Variants in POLA1 observed in about 807,000 individuals in gnomAD.
The protein encoded by POLA1 is DNA polymerase alpha 1, catalytic subunit, also known as DNA polymerase alpha catalytic subunit.
POLA1 carries 15 observed loss-of-function variants against 124.0 expected under a neutral mutation model. The observed-to-expected ratio is 0.12, with a 90% CI of 0.08 to 0.19. The LOEUF (loss-of-function observed/expected upper bound fraction) is 0.19. Ranked by LOEUF, POLA1 falls within the 10% of genes least tolerant of loss-of-function variation. The pLI, the probability that POLA1 is intolerant of heterozygous loss-of-function variation, is 1.00. For missense variants in POLA1, 886 were observed against 1,103.4 expected (o/e 0.80, Z 2.79); for synonymous variants, 408 against 389.4 (o/e 1.05, Z -0.56).
chrX:24,741,967 G>T, intron 21 of POLA1, 35 bp from the exon 22 acceptor site: 1 of 1,150,397 alleles, frequency 8.7e-7, no homozygotes, highest in South Asian at 2.1e-5. Flanking sequence ...TTGTGGTTTT[G>T]AGCTCAAATT....
At chrX:24,903,176 G>A (rs1023680328) in intron 35 of POLA1, among the ~76,000 whole-genome samples, 2 of 112,728 alleles carry the variant, frequency 1.8e-5, no homozygotes, top group Non-Finnish European at 3.7e-5. Context: ...AATCATGCAC[G>A]AGCAAACACG....
intron 35 of POLA1, among the ~76,000 whole-genome samples, chrX:24,890,420 A>G (rs1303062166): frequency 1.8e-5 from 2 of 111,801 alleles, no homozygotes; most frequent in Non-Finnish European, 3.8e-5. Context: ...AAATTTAACT[A>G]TACCTTTCAT....
intron 30 of POLA1, among the ~76,000 whole-genome samples, chrX:24,816,787 A>G (rs1285639165): frequency 9.0e-6 from 1 of 111,556 alleles, no homozygotes; most frequent in Non-Finnish European, 1.9e-5. Flanking sequence ...AACACTGAAC[A>G]CATCTCCTTT....
At chrX:24,823,292 C>T (rs1258312401) in intron 31 of POLA1, among the ~76,000 whole-genome samples, 2 of 112,282 alleles carry the variant, frequency 1.8e-5, no homozygotes, top group East Asian at 5.6e-4. Flanking sequence ...TCCCTTTCAA[C>T]CTGTTTGCTA....
rs1213641139 is a variant in POLA1, at chrX:24,773,606, G to A, written c.2964+24614G>A. Among the ~76,000 whole-genome samples the A allele has an allele frequency of 3.6e-5, 4 of 111,989 alleles. No homozygotes were observed. In the East Asian group the frequency reaches 8.4e-4, roughly 23 times the overall value. ...ATCAACAGAATATTTACCTCATGAC[G>A]TTTGTTGGGAAGATTAAATAAGTTA... On this transcript the variant is annotated intron_variant, in intron 26 of 36. Coordinates refer to ENST00000379068, the MANE Select transcript of POLA1 (RefSeq NM_001330360.2).
Position 24,950,979 on chromosome X carries a change from A to G in POLA1, c.4261+20430A>G, listed in dbSNP as rs182393899. On this transcript the variant is annotated intron_variant, in intron 36 of 36. Transcript: ENST00000379068. ...AAATCCAAAATGACATTAACTTAAG[A>G]CATGTTCCAATTTCAGAGATGTTAT... 8.0e-5 allele frequency among the ~76,000 whole-genome samples: 9 copies of G among 111,920 alleles called. No individual in the cohort carries two copies. The Admixed American group carries it at 8.5e-4, about 11-fold the overall frequency.
At chrX:24,933,195 A>G (rs1002732974) in intron 36 of POLA1, among the ~76,000 whole-genome samples, 1 of 112,023 alleles carries the variant, frequency 8.9e-6, no homozygotes, top group African/African-American at 3.2e-5. Flanking sequence ...ATAAAAGACA[A>G]TTGAATGCAA....
intron 36 of POLA1, among the ~76,000 whole-genome samples, chrX:24,944,795 T>C (rs1186522808): frequency 8.9e-6 from 1 of 112,449 alleles, no homozygotes. Context: ...AATATTTGTC[T>C]TTGCCTAGGC....
At chrX:24,751,872 A>G (rs911143445) in intron 26 of POLA1, among the ~76,000 whole-genome samples, 3 of 111,701 alleles carry the variant, frequency 2.7e-5, no homozygotes, top group African/African-American at 9.8e-5. Flanking sequence ...TTTTTGTGAC[A>G]AGATACGAGT....
chrX:24,879,282 G>T (rs891469878), intron 34 of POLA1, among the ~76,000 whole-genome samples: 10 of 111,286 alleles, frequency 9.0e-5, no homozygotes, highest in Non-Finnish European at 1.9e-5. Flanking sequence ...TTCCCTTGTT[G>T]AAATGACTAT....
chrX:24,694,122 C>G, intron 1 of POLA1, 118 bp downstream of exon 1: 1 of 714,940 alleles, frequency 1.4e-6, no homozygotes, highest in Admixed American at 3.8e-5. Flanking sequence ...TTGGTCGTCC[C>G]CGGCGGGGGC....
chrX:24,719,545 C>T (rs1017285582), intron 10 of POLA1, among the ~76,000 whole-genome samples: 2 of 111,848 alleles, frequency 1.8e-5, no homozygotes, highest in Non-Finnish European at 3.8e-5. Context: ...GATTTCCCAT[C>T]CATTGCTGAA....
In POLA1 at chrX:24,996,901, T is replaced by G. The variant is rs1244414238; in HGVS notation, c.*951T>G. On this transcript the variant is annotated 3_prime_UTR_variant, in exon 37 of 37. Transcript: ENST00000379068. ...TTCCCCTTGTACAATTATGCTGTGT[T>G]TTTAAAAAACATTGACCTGTGTGTT... 1.8e-5 allele frequency: 2 copies of G among 112,372 alleles called. No homozygotes were observed. Among genetic ancestry groups the G allele is most frequent in the Non-Finnish European group, 3.7e-5 (2 of 53,378 alleles). 9.3% of individuals were successfully genotyped at this position (112,372 alleles called of 1,213,427 possible). A position where few individuals can be genotyped will look rare whatever the true frequency, so the allele number is the denominator to read the frequency against.
At chrX:24,757,660 C>T (rs1238270168) in intron 26 of POLA1, among the ~76,000 whole-genome samples, 1 of 109,555 alleles carries the variant, frequency 9.1e-6, no homozygotes, top group African/African-American at 3.4e-5. Flanking sequence ...GGGATGGTCT[C>T]GAGCTCCTGA....
chrX:24,941,985 GT>G (rs2047913124), intron 36 of POLA1, among the ~76,000 whole-genome samples: 1 of 112,145 alleles, frequency 8.9e-6, no homozygotes, highest in South Asian at 3.7e-4. Context: ...GTGTAAGTCT[GT>G]TACTCTCTGT....
chrX:24,934,528 C>CT (rs951571156), intron 36 of POLA1, among the ~76,000 whole-genome samples: 3 of 112,121 alleles, frequency 2.7e-5, no homozygotes, highest in African/African-American at 6.5e-5. Context: ...TAGAAAGAAA[C>CT]TTTTTTTTCT....
At chrX:24,695,137 C>T (rs1927889930) in intron 1 of POLA1, among the ~76,000 whole-genome samples, 1 of 111,745 alleles carries the variant, frequency 8.9e-6, no homozygotes, top group Non-Finnish European at 1.9e-5. Context: ...TAAGTAGTTG[C>T]TGGGGACTTG....
At position 24,757,436 on chromosome X, in the gene POLA1, C is replaced by CTT. The variant is rs66782103; in HGVS notation, c.2964+8464_2964+8465dup. 6.1e-3 allele frequency among the ~76,000 whole-genome samples: 377 copies of CTT among 62,107 alleles called. 41 individuals carry two copies. Among genetic ancestry groups the CTT allele is most frequent in the African/African-American group, 0.028 (340 of 12,201 alleles). 53.9% of individuals were successfully genotyped at this position (62,107 alleles called of 115,157 possible). A position where few individuals can be genotyped will look rare whatever the true frequency, so the allele number is the denominator to read the frequency against. On this transcript the variant is annotated intron_variant, in intron 26 of 36. Transcript: ENST00000379068. ...ATCTGAAATGCTCCAAAATCTGAAA[C>CTT]TTTTTTTTTTTTTTTTTTTTTGAGA... is the stretch of plus-strand genomic sequence containing the variant.
chrX:24,737,907 A>G (rs1931376909), intron 19 of POLA1, among the ~76,000 whole-genome samples, 166 bp downstream of exon 19: 1 of 111,812 alleles, frequency 8.9e-6, no homozygotes, highest in Admixed American at 9.4e-5. Flanking sequence ...TCAGCATTTT[A>G]TTTGTAAAAG....
Sources: allele counts gnomAD v4.1 joint callset (sites outside exome capture counted in the v4.1 genomes callset), GRCh38; gene constraint gnomAD v4.1.1; transcripts MANE v1.5; gene names NCBI Gene and HGNC (gene_info 2026-07-23, HGNC 2026-07-21).